The following IMPG1 variants were observed in gnomAD, a reference collection of about 807,000 sequenced individuals.
The protein encoded by IMPG1 is interphotoreceptor matrix proteoglycan of 150 kDa.
In IMPG1, 85 loss-of-function variants were observed where a neutral mutation model predicts 92.0. That is an observed-to-expected ratio of 0.92 (90% confidence interval 0.78 to 1.11). The LOEUF is 1.11. Ranked by LOEUF, IMPG1 falls within the 50% of genes least tolerant of loss-of-function variation. The probability of loss-of-function intolerance (pLI) is 0.00; values close to 1 mark genes in which losing one functional copy is unlikely to be tolerated. For missense variants in IMPG1, 1,022 were observed against 956.0 expected (o/e 1.07, Z -0.91); for synonymous variants, 367 against 334.1 (o/e 1.10, Z -1.08).
At chr6:76,041,762 T>C in intron 2 of IMPG1, 131 bp downstream of exon 2, 1 of 641,758 alleles carries the variant, frequency 1.6e-6, no homozygotes, top group Non-Finnish European at 2.8e-6. Context: ...AGATTATCAC[T>C]AGGTTGATTT....
At chr6:76,036,566 C>T (rs149317145) in intron 2 of IMPG1, among the ~76,000 whole-genome samples, 26 of 152,094 alleles carry the variant, frequency 1.7e-4, no homozygotes, top group African/African-American at 2.6e-4. Flanking sequence ...CAAGAAACAA[C>T]GTAATTTTAA....
At chr6:75,980,526 G>C (rs577325306) in intron 12 of IMPG1, among the ~76,000 whole-genome samples, 11 of 152,314 alleles carry the variant, frequency 7.2e-5, no homozygotes, top group African/African-American at 2.6e-4. Context: ...TCCAAAAACT[G>C]CCAGCGTGGC....
At chr6:75,961,632 C>A (rs895236698) in intron 12 of IMPG1, among the ~76,000 whole-genome samples, 6 of 152,136 alleles carry the variant, frequency 3.9e-5, no homozygotes, top group African/African-American at 1.2e-4. Context: ...GATGGAAGTA[C>A]AGGGTTTCCA....
At chr6:76,056,757 T>A (rs1784126764) in intron 1 of IMPG1, among the ~76,000 whole-genome samples, 1 of 152,188 alleles carries the variant, frequency 6.6e-6, no homozygotes, top group Admixed American at 6.6e-5. Context: ...GTGGTTTTGA[T>A]TCACATTCCC....
intron 12 of IMPG1, among the ~76,000 whole-genome samples, chr6:75,967,497 G>A (rs1782326841): frequency 1.3e-5 from 2 of 152,090 alleles, no homozygotes; most frequent in African/African-American, 2.4e-5. Flanking sequence ...CAGACACAAT[G>A]TCAGCTCCTT....
intron 12 of IMPG1, among the ~76,000 whole-genome samples, chr6:75,996,580 C>T (rs1411392421): frequency 1.3e-5 from 2 of 152,112 alleles, no homozygotes; most frequent in East Asian, 1.9e-4. Context: ...TTGGGAGCAG[C>T]CTGGAAAAAG....
intron 12 of IMPG1, among the ~76,000 whole-genome samples, chr6:75,970,067 T>C (rs1038912374): frequency 1.3e-5 from 2 of 152,158 alleles, no homozygotes; most frequent in African/African-American, 4.8e-5. Flanking sequence ...GATAGAAGGA[T>C]AGGATAATAA....
chr6:75,977,864 A>C (rs1475365680), intron 12 of IMPG1, among the ~76,000 whole-genome samples: 2 of 152,012 alleles, frequency 1.3e-5, no homozygotes, highest in African/African-American at 4.8e-5. Context: ...AAGTAATTTC[A>C]CTCTTTGAAA....
intron 12 of IMPG1, among the ~76,000 whole-genome samples, chr6:75,960,498 A>T (rs1231462820): frequency 6.6e-6 from 1 of 152,194 alleles, no homozygotes; most frequent in Non-Finnish European, 1.5e-5. Flanking sequence ...ATTATTTTTA[A>T]TCTGAAATTT....
intron 4 of IMPG1, among the ~76,000 whole-genome samples, chr6:76,028,474 A>G (rs1783591607): frequency 6.6e-6 from 1 of 152,240 alleles, no homozygotes. Flanking sequence ...TTCTTGGAAT[A>G]CTGCTGATCC....
At chr6:75,945,231 A>C (rs1781904837) in intron 14 of IMPG1, among the ~76,000 whole-genome samples, 1 of 152,230 alleles carries the variant, frequency 6.6e-6, no homozygotes, top group African/African-American at 2.4e-5. Context: ...ATGTTGCAAT[A>C]GTAACTACTA....
intron 5 of IMPG1, 78 bp from the exon 6 acceptor site, chr6:76,022,297 T>C (rs531759979): frequency 8.6e-6 from 6 of 700,698 alleles, no homozygotes; most frequent in African/African-American, 1.8e-5. Context: ...AAATTCAATA[T>C]GCTTTTTCTG....
At chr6:75,976,469 G>C (rs1483042571) in intron 12 of IMPG1, among the ~76,000 whole-genome samples, 1 of 152,194 alleles carries the variant, frequency 6.6e-6, no homozygotes. Flanking sequence ...GGCTGAGGCA[G>C]AAGAATCATT....
intron 1 of IMPG1, among the ~76,000 whole-genome samples, chr6:76,053,290 T>C (rs1582132449): frequency 6.6e-6 from 1 of 152,274 alleles, no homozygotes; most frequent in Non-Finnish European, 1.5e-5. Flanking sequence ...AGAGCACTGT[T>C]ATAGCCTAGG....
chr6:76,023,359 C>T (rs1783466998), intron 5 of IMPG1, among the ~76,000 whole-genome samples: 1 of 152,124 alleles, frequency 6.6e-6, no homozygotes, highest in Non-Finnish European at 1.5e-5. Context: ...TCGGTTTATG[C>T]TACAATTTTT....
chr6:76,063,150 G>T (rs1459382912), intron 1 of IMPG1, among the ~76,000 whole-genome samples: 1 of 151,960 alleles, frequency 6.6e-6, no homozygotes, highest in African/African-American at 2.4e-5. Flanking sequence ...GTTGTAGTGA[G>T]CTGAGACGGT....
chr6:76,028,758 G>T (rs1481501759), intron 4 of IMPG1, among the ~76,000 whole-genome samples: 1 of 152,124 alleles, frequency 6.6e-6, no homozygotes, highest in Non-Finnish European at 1.5e-5. Context: ...GGCAGAACTT[G>T]CAGTGAGCCA....
At chr6:76,040,206 A>G (rs909407010) in intron 2 of IMPG1, among the ~76,000 whole-genome samples, 1 of 152,228 alleles carries the variant, frequency 6.6e-6, no homozygotes, top group South Asian at 2.1e-4. Context: ...ATCCAGGGAA[A>G]CAAGAATGAA....
chr6:75,996,917 G>A (rs1403195134), intron 12 of IMPG1, among the ~76,000 whole-genome samples: 1 of 152,176 alleles, frequency 6.6e-6, no homozygotes, highest in Non-Finnish European at 1.5e-5. Context: ...GATTCAAAAA[G>A]GCAGATGGAA....
Sources: gnomAD v4.1 joint callset for allele counts (sites outside exome capture counted in the v4.1 genomes callset) on GRCh38, gnomAD v4.1.1 for gene constraint, MANE v1.5 for transcripts, NCBI Gene and HGNC (gene_info 2026-07-23, HGNC 2026-07-21) for gene names.